Variants in RYR2 observed in about 807,000 individuals in gnomAD.
RYR2 encodes ryanodine receptor 2.
A neutral mutation model predicts 601.1 loss-of-function variants in RYR2; 227 were observed. The observed-to-expected ratio is 0.38, with a 90% CI of 0.34 to 0.42. The LOEUF is 0.42. Ranked by LOEUF, RYR2 falls within the 10% of genes least tolerant of loss-of-function variation. RYR2 has a pLI of 1.00. For synonymous variants in RYR2, 2,223 were observed against 2,175.1 expected (o/e 1.02, Z -0.61); for missense variants, 4,646 against 6,156.5 (o/e 0.75, Z 8.21).
chr1:237,346,427 A>G (rs1698322022), intron 3 of RYR2, among the ~76,000 whole-genome samples: 1 of 151,722 alleles, frequency 6.6e-6, no homozygotes, highest in Non-Finnish European at 1.5e-5. Flanking sequence ...AAACATTGAA[A>G]TAGTATTACA....
At chr1:237,383,414 C>CTTTTTTTTT (rs1558724426) in intron 8 of RYR2, among the ~76,000 whole-genome samples, 2 of 64,788 alleles carry the variant, frequency 3.1e-5, no homozygotes, top group Non-Finnish European at 3.4e-5. Flanking sequence ...TTTCTTTTTT[C>CTTTTTTTTT]TTGTTTTTTT....
chr1:237,573,256 A>G (rs1055698936), intron 29 of RYR2, among the ~76,000 whole-genome samples: 17 of 150,220 alleles, frequency 1.1e-4, no homozygotes, highest in African/African-American at 3.9e-4. Flanking sequence ...ACACACACAC[A>G]CGCATACATA....
intron 14 of RYR2, among the ~76,000 whole-genome samples, chr1:237,452,462 A>G (rs1658300982): frequency 6.9e-6 from 1 of 145,458 alleles, no homozygotes; most frequent in Non-Finnish European, 1.5e-5. Context: ...ATATCAGCAT[A>G]TACTATTAGT....
intron 12 of RYR2, among the ~76,000 whole-genome samples, chr1:237,435,334 C>G (rs1331066833): frequency 6.6e-6 from 1 of 152,086 alleles, no homozygotes; most frequent in South Asian, 2.1e-4. Flanking sequence ...GAGGCTTAGA[C>G]AAGTTATGTG....
intron 10 of RYR2, among the ~76,000 whole-genome samples, chr1:237,399,875 G>A (rs1572148512): frequency 6.6e-6 from 1 of 152,058 alleles, no homozygotes; most frequent in South Asian, 2.1e-4. Flanking sequence ...TGGGAAGGGG[G>A]TAGGGTGTTT....
At chr1:237,786,211 A>G (rs1262840411) in intron 91 of RYR2, among the ~76,000 whole-genome samples, 175 bp downstream of exon 91, 2 of 152,182 alleles carry the variant, frequency 1.3e-5, no homozygotes, top group African/African-American at 2.4e-5. Flanking sequence ...GGCCATGGGC[A>G]GGGATCACTG....
chr1:237,333,555 G>A (rs1260588218), intron 3 of RYR2: 1 of 455,074 alleles, frequency 2.2e-6, no homozygotes, highest in Non-Finnish European at 4.4e-6. Flanking sequence ...GGCAGCAACT[G>A]TTTACCAAGA....
Position 237,740,874 on chromosome 1 carries a change from C to T in RYR2, c.11092-1422C>T, listed in dbSNP as rs560878004. Among the ~76,000 whole-genome samples the T allele has an allele frequency of 7.0e-4, 106 of 152,228 alleles. No homozygotes were observed. The South Asian group carries it at 7.7e-3, about 11-fold the overall frequency. On this transcript the variant is annotated intron_variant, in intron 79 of 104. Transcript: ENST00000366574. The stretch of plus-strand genomic sequence containing the variant: ...CTAAGCAAAATTCCTCTGTTTTCGA[C>T]ATTAGATGTACAGTATGTATTGATG...
Position 237,610,367 on chromosome 1 carries a change from G to A in RYR2, c.4684-395G>A, listed in dbSNP as rs1184829915. ...AACAGATATTGAGAGAGAGAGCCAG[G>A]GGGATGTGACATATCTGTCATTCAG... is the stretch of plus-strand genomic sequence containing the variant. On this transcript the variant is annotated intron_variant, in intron 35 of 104. Coordinates refer to ENST00000366574, the MANE Select transcript of RYR2 (RefSeq NM_001035.3). The surrounding 1 kb of genome is among the most constrained non-coding windows in gnomAD (Gnocchi z 4.9). Among the ~76,000 whole-genome samples the A allele has an allele frequency of 6.6e-6, 1 of 152,158 alleles. No individual in the cohort carries two copies. The highest frequency in any genetic ancestry group is 1.5e-5 in the Non-Finnish European group (1 of 68,030).
chr1:237,233,018 C>T (rs187233329), intron 1 of RYR2, among the ~76,000 whole-genome samples: 17 of 152,250 alleles, frequency 1.1e-4, no homozygotes, highest in South Asian at 4.2e-4. Flanking sequence ...GCATCACCCA[C>T]GGGATGTTAG....
At chr1:237,717,153 T>G in intron 71 of RYR2, 45 bp from the exon 72 acceptor site, 11 of 1,579,284 alleles carry the variant, frequency 7.0e-6, no homozygotes, top group East Asian at 2.2e-5. Flanking sequence ...GTTCTACATG[T>G]GAGAAAAGCA....
intron 1 of RYR2, among the ~76,000 whole-genome samples, chr1:237,140,150 A>G (rs1285894693): frequency 6.6e-6 from 1 of 152,280 alleles, no homozygotes; most frequent in African/African-American, 2.4e-5. Flanking sequence ...TGTAAACCAC[A>G]AAGTTTAATT....
chr1:237,728,167 T>A (rs1028120540), intron 76 of RYR2, among the ~76,000 whole-genome samples: 11 of 152,034 alleles, frequency 7.2e-5, no homozygotes, highest in African/African-American at 1.9e-4. Flanking sequence ...TCAGTAAGAG[T>A]TTGAGTGAAT....
intron 84 of RYR2, among the ~76,000 whole-genome samples, chr1:237,768,851 TCCCCTCCCTAA>T (rs1383448765): frequency 6.6e-6 from 1 of 152,146 alleles, no homozygotes; most frequent in Non-Finnish European, 1.5e-5. Flanking sequence ...GCCTGACTCG[TCCCCTCCCTAA>T]CCCCTCCCCT....
intron 10 of RYR2, among the ~76,000 whole-genome samples, chr1:237,395,044 C>T (rs1244545111): frequency 6.6e-6 from 1 of 152,114 alleles, no homozygotes; most frequent in African/African-American, 2.4e-5. Flanking sequence ...GGAAAATCTG[C>T]CCCCATGATC....
In RYR2 at chr1:237,424,413, T is replaced by C. The variant is rs142622697; in HGVS notation, c.1005+1165T>C. 8.6e-3 allele frequency among the ~76,000 whole-genome samples: 1,305 copies of C among 152,342 alleles called. 27 individuals are homozygous for C. Among genetic ancestry groups the C allele is most frequent in the African/African-American group, 0.03 (1,254 of 41,574 alleles). On this transcript the variant is annotated intron_variant, in intron 12 of 104. Coordinates refer to ENST00000366574, the MANE Select transcript of RYR2 (RefSeq NM_001035.3). The stretch of plus-strand genomic sequence containing the variant: ...AGAAAAAAACGTATTACTTTGTTTT[T>C]TCACTGCTAGGAAATTCTTAGTATT...
chr1:237,524,488 T>G (rs1016747714), intron 24 of RYR2, among the ~76,000 whole-genome samples: 1 of 152,216 alleles, frequency 6.6e-6, no homozygotes, highest in African/African-American at 2.4e-5. Flanking sequence ...GTCATGCAAC[T>G]CTATAAATTT....
intron 104 of RYR2, among the ~76,000 whole-genome samples, 160 bp downstream of exon 104, chr1:237,831,725 A>G (rs1267491991): frequency 6.6e-6 from 1 of 152,198 alleles, no homozygotes; most frequent in Non-Finnish European, 1.5e-5. Context: ...TGAGTATGGA[A>G]AAGATTGCCT....
chr1:237,507,592 T>G (rs951418130), intron 23 of RYR2, among the ~76,000 whole-genome samples: 1 of 152,268 alleles, frequency 6.6e-6, no homozygotes, highest in Non-Finnish European at 1.5e-5. Flanking sequence ...AGTAGTATCA[T>G]GTGATACTCC....
Sources: gnomAD v4.1 joint callset for allele counts (sites outside exome capture counted in the v4.1 genomes callset) on GRCh38, gnomAD v4.1.1 for gene constraint, Gnocchi (gnomAD v3.1) non-coding constraint, MANE v1.5 for transcripts, NCBI Gene and HGNC (gene_info 2026-07-23, HGNC 2026-07-21) for gene names.